CCDC141: variants seen among roughly 807,000 people sequenced by gnomAD.
The protein encoded by CCDC141 is coiled-coil domain-containing protein 141.
Under a neutral mutation model 181.0 loss-of-function variants are expected in CCDC141, and 168 were observed. The observed-to-expected ratio is 0.93, with a 90% CI of 0.82 to 1.05. CCDC141 has a LOEUF of 1.05. CCDC141 is among the 50% of genes least tolerant of loss of function. CCDC141 has a pLI of 0.00. For synonymous variants in CCDC141, 666 were observed against 642.3 expected, an observed-to-expected ratio of 1.04 and a Z score of -0.56; for missense variants, 1,902 against 1,788.5, an observed-to-expected ratio of 1.06 and a Z score of -1.14.
intron 22 of CCDC141, among the ~76,000 whole-genome samples, chr2:178,842,335 T>C (rs1267745059): frequency 2.0e-5 from 3 of 152,236 alleles, no homozygotes; most frequent in Admixed American, 2.0e-4. Context: ...TATCTTTAAG[T>C]TCTCTAATTG....
At chr2:178,896,886 GC>G (rs1282955738) in intron 8 of CCDC141, among the ~76,000 whole-genome samples, 1 of 152,088 alleles carries the variant, frequency 6.6e-6, no homozygotes, top group Non-Finnish European at 1.5e-5. Context: ...AGAAGTGTTT[GC>G]CATTATTGCC....
intron 4 of CCDC141, among the ~76,000 whole-genome samples, chr2:178,972,996 G>A (rs1174361740): frequency 6.6e-6 from 1 of 152,174 alleles, no homozygotes; most frequent in African/African-American, 2.4e-5. Context: ...TAACACTCAT[G>A]TTTTGTACTA....
intron 2 of CCDC141, among the ~76,000 whole-genome samples, chr2:179,016,386 G>T (rs560945971): frequency 6.6e-6 from 1 of 152,050 alleles, no homozygotes; most frequent in African/African-American, 2.4e-5. Flanking sequence ...CATAAAAAAT[G>T]TATACATATA....
In CCDC141 at chr2:178,837,336, T is replaced by G. The variant is rs766999483; in HGVS notation, c.3883A>C (p.Lys1295Gln). ...SHFERPYLQF[K>Q]AEPPLTSRGF... ...CTGGAGGTTAGTGGGGGCTCAGCTT[T>G]GAACTGGAGGTAAGGCCTCTCAAAA... Residue 1295 changes from lysine to glutamine, a missense_variant, in exon 23 of 24, where the codon AAA becomes CAA. Transcript: ENST00000443758. 3 of 1,614,120 alleles carry G rather than the reference T, an allele frequency of 1.9e-6. No individual in the cohort carries two copies. Among genetic ancestry groups the G allele is most frequent in the South Asian group, 1.1e-5 (1 of 91,082 alleles).
intron 21 of CCDC141, among the ~76,000 whole-genome samples, chr2:178,848,732 C>T (rs529059280): frequency 3.0e-4 from 46 of 151,872 alleles, no homozygotes; most frequent in Non-Finnish European, 5.6e-4. Context: ...TGATTTTCGG[C>T]CTTCGTATTG....
intron 6 of CCDC141, chr2:178,926,562 GC>G (rs1688915367): frequency 6.6e-6 from 1 of 152,154 alleles, no homozygotes; most frequent in East Asian, 1.9e-4. Context: ...AGTTTAAACA[GC>G]CCTGTGCAAT....
intron 2 of CCDC141, among the ~76,000 whole-genome samples, chr2:179,025,547 C>G (rs2042817896): frequency 2.0e-5 from 3 of 152,216 alleles, no homozygotes; most frequent in Admixed American, 2.0e-4. Flanking sequence ...CCACATGGAA[C>G]TGTAAGTCCA....
intron 23 of CCDC141, chr2:178,836,008 T>C (rs1684462930): frequency 1.3e-5 from 2 of 152,622 alleles, no homozygotes; most frequent in Non-Finnish European, 2.9e-5. Flanking sequence ...CTGAAACTGA[T>C]CATTTAATAT....
chr2:178,845,067 C>T (rs1048799825), intron 22 of CCDC141, among the ~76,000 whole-genome samples: 3 of 152,092 alleles, frequency 2.0e-5, no homozygotes, highest in Non-Finnish European at 4.4e-5. Context: ...ATAAGTGTTA[C>T]AATAATTTAA....
At chr2:178,856,130 C>A (rs1685375209) in intron 18 of CCDC141, 127 bp downstream of exon 18, 13 of 728,124 alleles carry the variant, frequency 1.8e-5, no homozygotes, top group Non-Finnish European at 2.8e-5. Context: ...GAAAAATACC[C>A]TTTGAGTCCC....
At chr2:179,015,128 T>TATTATATATATA (rs2042425495) in intron 2 of CCDC141, among the ~76,000 whole-genome samples, 2 of 101,906 alleles carry the variant, frequency 2.0e-5, no homozygotes, top group Non-Finnish European at 4.1e-5. Context: ...CATATATATA[T>TATTATATATATA]ATCATATCAT....
Position 178,868,218 on chromosome 2 carries a change from G to T in CCDC141, c.2395-13C>A. The T allele has an allele frequency of 1.9e-6, 3 of 1,595,654 alleles. No individual in the cohort carries two copies. The highest frequency in any genetic ancestry group is 1.1e-5 in the South Asian group (1 of 90,188). ...TGAGACGTCCCAGCTACAATTTAGG[G>T]CATTAACAATTAACCTGGGTTTTAT... On this transcript the variant is annotated splice_polypyrimidine_tract_variant and intron_variant, in intron 15 of 23. Transcript: ENST00000443758.
chr2:178,871,258 G>T (rs1686107977), intron 14 of CCDC141, among the ~76,000 whole-genome samples, 169 bp downstream of exon 14: 1 of 152,128 alleles, frequency 6.6e-6, no homozygotes, highest in African/African-American at 2.4e-5. Flanking sequence ...TCAAAAGAAT[G>T]CAGGAAAAAA....
chr2:178,990,659 A>T (rs1575315991), intron 2 of CCDC141, among the ~76,000 whole-genome samples: 1 of 151,856 alleles, frequency 6.6e-6, no homozygotes, highest in East Asian at 1.9e-4. Context: ...ACATGCTACA[A>T]CATTGGTGAA....
intron 21 of CCDC141, among the ~76,000 whole-genome samples, chr2:178,846,060 A>T (rs749220278): frequency 5.9e-5 from 9 of 152,188 alleles, no homozygotes; most frequent in Non-Finnish European, 1.3e-4. Context: ...TATGCATGGC[A>T]GTGTAAACCA....
intron 5 of CCDC141, among the ~76,000 whole-genome samples, chr2:178,948,823 T>G (rs926976458): frequency 6.6e-6 from 1 of 152,192 alleles, no homozygotes; most frequent in Non-Finnish European, 1.5e-5. Context: ...CCTTCCGCCA[T>G]GGGTGAAAGC....
At chr2:178,892,996 A>G (rs1201925098) in intron 8 of CCDC141, among the ~76,000 whole-genome samples, 1 of 152,166 alleles carries the variant, frequency 6.6e-6, no homozygotes, top group Non-Finnish European at 1.5e-5. Context: ...CACTGGAAAT[A>G]TTGATTGACC....
At chr2:178,896,195 A>G (rs1687395523) in intron 8 of CCDC141, among the ~76,000 whole-genome samples, 1 of 152,184 alleles carries the variant, frequency 6.6e-6, no homozygotes, top group Non-Finnish European at 1.5e-5. Flanking sequence ...TAGACCCTTC[A>G]CCCATCTCAG....
chr2:178,979,709 CTGA>C (rs1691281592), intron 2 of CCDC141, among the ~76,000 whole-genome samples: 2 of 152,278 alleles, frequency 1.3e-5, no homozygotes, highest in African/African-American at 4.8e-5. Context: ...ACAAAAATCA[CTGA>C]TGCTTTAAAA....
Sources: gnomAD v4.1 joint callset for allele counts (sites outside exome capture counted in the v4.1 genomes callset) on GRCh38, gnomAD v4.1.1 for gene constraint, MANE v1.5 for transcripts, NCBI Gene and HGNC (gene_info 2026-07-23, HGNC 2026-07-21) for gene names.